Variants in PRTFDC1 observed in about 807,000 individuals in gnomAD.
The protein encoded by PRTFDC1 is phosphoribosyltransferase domain-containing protein 1.
A neutral mutation model predicts 34.6 loss-of-function variants in PRTFDC1; 38 were observed. The observed-to-expected ratio is 1.10, with a 90% CI of 0.85 to 1.44. The LOEUF is 1.44. Among genes scored for constraint, PRTFDC1 ranks in the 40% most tolerant of loss-of-function variants. PRTFDC1 has a pLI of 0.00. For synonymous variants in PRTFDC1, 93 were observed against 98.1 expected, an observed-to-expected ratio of 0.95 and a Z score of 0.31; for missense variants, 270 against 283.0, an observed-to-expected ratio of 0.95 and a Z score of 0.33.
intron 3 of PRTFDC1, among the ~76,000 whole-genome samples, chr10:24,880,792 T>C (rs1009317587): frequency 1.3e-5 from 2 of 151,982 alleles, no homozygotes; most frequent in African/African-American, 2.4e-5. Flanking sequence ...AAAATTTCCA[T>C]CATTCCACTT....
chr10:24,853,845 C>T (rs1322075723), intron 7 of PRTFDC1, among the ~76,000 whole-genome samples: 3 of 152,286 alleles, frequency 2.0e-5, no homozygotes, highest in African/African-American at 7.2e-5. Context: ...ATGCAGGCAG[C>T]TCCTACACTT....
chr10:24,866,360 CAAAAAAA>C (rs372329425), intron 4 of PRTFDC1, among the ~76,000 whole-genome samples: 196 of 51,808 alleles, frequency 3.8e-3, no homozygotes, highest in Admixed American at 5.8e-3. Flanking sequence ...GATTCTGCCT[CAAAAAAA>C]AAAAAAAAAA....
intron 3 of PRTFDC1, among the ~76,000 whole-genome samples, chr10:24,874,096 G>A (rs928052673): frequency 1.3e-5 from 2 of 151,436 alleles, no homozygotes; most frequent in Admixed American, 6.6e-5. Context: ...CTTCTGCTTG[G>A]TAAAGCATTC....
chr10:24,870,582 G>A (rs1290708385), intron 4 of PRTFDC1, among the ~76,000 whole-genome samples: 8 of 152,158 alleles, frequency 5.3e-5, no homozygotes, highest in African/African-American at 1.2e-4. Context: ...CTCCAGGGTC[G>A]TTAAAACTTA....
intron 3 of PRTFDC1, among the ~76,000 whole-genome samples, chr10:24,884,908 G>C (rs1482306162): frequency 1.3e-5 from 2 of 152,186 alleles, no homozygotes; most frequent in African/African-American, 4.8e-5. Flanking sequence ...GGACATGGAG[G>C]AGAAGGACCC....
chr10:24,876,462 G>A (rs11014277), intron 3 of PRTFDC1, among the ~76,000 whole-genome samples: 4,266 of 152,182 alleles, frequency 0.028, 204 homozygotes, highest in African/African-American at 0.096. Flanking sequence ...TTGGGAGGCC[G>A]AGGCAGGCGG....
rs566512211 is a variant in PRTFDC1 at position 24,945,908 on chromosome 10, C to T, written c.49-3472G>A. Among the ~76,000 whole-genome samples, 337 of 152,270 alleles carry T rather than the reference C, an allele frequency of 2.2e-3. 3 individuals are homozygous for T. The highest frequency in any genetic ancestry group is 7.5e-3 in the African/African-American group (312 of 41,552). On this transcript the variant is annotated intron_variant, in intron 1 of 8. Transcript: ENST00000320152. ...TAACCTCTAACACTACAGCAGCTGG[C>T]CAGAGTCTAGACTACCAGCTGTACA... is the stretch of plus-strand genomic sequence containing the variant.
At chr10:24,892,985 T>A (rs1474573298) in intron 3 of PRTFDC1, among the ~76,000 whole-genome samples, 1 of 152,226 alleles carries the variant, frequency 6.6e-6, no homozygotes, top group Non-Finnish European at 1.5e-5. Flanking sequence ...CTTAAAACCC[T>A]GGGATCTAGC....
chr10:24,951,661 T>C, intron 1 of PRTFDC1: 1 of 960,670 alleles, frequency 1.0e-6, no homozygotes, highest in Non-Finnish European at 1.2e-6. Flanking sequence ...CCATTGAGTT[T>C]CACACTGAAC....
intron 3 of PRTFDC1, among the ~76,000 whole-genome samples, chr10:24,886,806 A>T (rs1848174661): frequency 6.6e-6 from 1 of 152,010 alleles, no homozygotes; most frequent in Non-Finnish European, 1.5e-5. Context: ...ACCAGCTCCC[A>T]GGTGATGGGG....
At chr10:24,910,301 A>G (rs543490431) in intron 3 of PRTFDC1, among the ~76,000 whole-genome samples, 1 of 152,352 alleles carries the variant, frequency 6.6e-6, no homozygotes, top group Non-Finnish European at 1.5e-5. Context: ...TTGAGGAAAG[A>G]ACATTGCATT....
At chr10:24,851,568 A>T in intron 7 of PRTFDC1, 104 bp from the exon 8 acceptor site, 1 of 1,502,692 alleles carries the variant, frequency 6.7e-7, no homozygotes, top group Non-Finnish European at 8.9e-7. Context: ...AGGACCTTTC[A>T]TTGAGGCAGG....
At chr10:24,860,552 C>A (rs1847663003) in intron 4 of PRTFDC1, among the ~76,000 whole-genome samples, 1 of 152,100 alleles carries the variant, frequency 6.6e-6, no homozygotes, top group Non-Finnish European at 1.5e-5. Context: ...AAAATAACTT[C>A]TTGGAAGTGT....
chr10:24,925,631 G>A (rs1420733411), intron 3 of PRTFDC1, among the ~76,000 whole-genome samples: 2 of 152,090 alleles, frequency 1.3e-5, no homozygotes, highest in Non-Finnish European at 2.9e-5. Context: ...ATAAACGGAG[G>A]AAATGCAGAC....
chr10:24,903,871 A>T (rs1012515953), intron 3 of PRTFDC1, among the ~76,000 whole-genome samples: 1 of 150,990 alleles, frequency 6.6e-6, no homozygotes, highest in Non-Finnish European at 1.5e-5. Context: ...TTATTAATTT[A>T]TAGGGCTGGG....
intron 3 of PRTFDC1, among the ~76,000 whole-genome samples, chr10:24,882,204 CAAAAAAA>C (rs10651020): frequency 2.9e-4 from 31 of 107,514 alleles, no homozygotes; most frequent in Middle Eastern, 4.6e-3. Flanking sequence ...GGATCTGCCT[CAAAAAAA>C]AAAAAAAAGA....
intron 7 of PRTFDC1, among the ~76,000 whole-genome samples, chr10:24,852,337 G>C (rs1450188562): frequency 6.6e-6 from 1 of 152,104 alleles, no homozygotes; most frequent in Non-Finnish European, 1.5e-5. Context: ...AGTTTTAGTA[G>C]AGATGGGGTT....
At chr10:24,951,667 T>C in intron 1 of PRTFDC1, 7 of 942,038 alleles carry the variant, frequency 7.4e-6, no homozygotes, top group South Asian at 4.9e-5. Flanking sequence ...AGTTTCACAC[T>C]GAACCTGACA....
chr10:24,877,817 C>T (rs757542387), intron 3 of PRTFDC1, among the ~76,000 whole-genome samples: 6 of 151,960 alleles, frequency 3.9e-5, no homozygotes, highest in East Asian at 3.9e-4. Context: ...GATGGCGTTT[C>T]GCCATGTTGG....
Sources: allele counts gnomAD v4.1 joint callset (sites outside exome capture counted in the v4.1 genomes callset), GRCh38; gene constraint gnomAD v4.1.1; transcripts MANE v1.5; gene names NCBI Gene and HGNC (gene_info 2026-07-23, HGNC 2026-07-21).